EVL: variants seen among roughly 807,000 people sequenced by gnomAD.
EVL encodes ena/VASP-like protein.
Under a neutral mutation model 59.6 loss-of-function variants are expected in EVL, and 21 were observed. The ratio of observed to expected loss-of-function variants is 0.35; its 90% CI spans 0.25 to 0.51. EVL has a LOEUF of 0.51. Among genes scored for constraint, EVL ranks in the 20% least tolerant of loss-of-function variants. The pLI is 0.97. For missense variants in EVL, 462 were observed against 546.6 expected, an observed-to-expected ratio of 0.85 and a Z score of 1.54; for synonymous variants, 198 against 203.5, an observed-to-expected ratio of 0.97 and a Z score of 0.23.
At chr14:100,019,541 T>A in intron 1 of EVL, 1 of 780,394 alleles carries the variant, frequency 1.3e-6, no homozygotes, top group South Asian at 2.0e-5. Flanking sequence ...TACTTCAGAA[T>A]ATTGGGGGGT....
intron 1 of EVL, among the ~76,000 whole-genome samples, chr14:100,050,580 A>C (rs947922869): frequency 6.6e-6 from 1 of 151,518 alleles, no homozygotes; most frequent in South Asian, 2.1e-4. Context: ...CTCGTGATCC[A>C]CCCGCCTCAG....
intron 2 of EVL, among the ~76,000 whole-genome samples, chr14:100,089,592 A>G (rs1266816348): frequency 6.6e-6 from 1 of 152,256 alleles, no homozygotes; most frequent in South Asian, 2.1e-4. Flanking sequence ...AGTAATGACA[A>G]TATAACATAG....
chr14:100,011,139 A>G (rs966668485), intron 1 of EVL, among the ~76,000 whole-genome samples: 1 of 152,244 alleles, frequency 6.6e-6, no homozygotes, highest in Non-Finnish European at 1.5e-5. Flanking sequence ...ATTGGAATAG[A>G]TGATAAGCTA....
chr14:100,006,723 C>G (rs2060984403), intron 1 of EVL, among the ~76,000 whole-genome samples: 1 of 151,208 alleles, frequency 6.6e-6, no homozygotes, highest in South Asian at 2.1e-4. Context: ...CTGTTGGAAG[C>G]GAGCTCAAAC....
intron 2 of EVL, among the ~76,000 whole-genome samples, chr14:100,089,521 G>C (rs1481033331): frequency 3.3e-5 from 5 of 152,194 alleles, no homozygotes; most frequent in Non-Finnish European, 7.3e-5. Flanking sequence ...GTCTAATACT[G>C]GATGAACCAT....
At chr14:100,143,658 A>G (rs1368588898) in intron 13 of EVL, 43 bp from the exon 14 acceptor site, 1 of 1,565,364 alleles carries the variant, frequency 6.4e-7, no homozygotes, top group Non-Finnish European at 8.5e-7. Context: ...ACCGGGCTGC[A>G]CTGGTCATGG....
At chr14:99,976,003 GT>G (rs1425890838) in intron 1 of EVL, among the ~76,000 whole-genome samples, 2 of 151,524 alleles carry the variant, frequency 1.3e-5, no homozygotes, top group East Asian at 3.9e-4. Flanking sequence ...TAATTTCAGG[GT>G]TTTTAAAAAT....
At chr14:100,047,114 CTCTCTTTTTTTTTTTTTTTTTTT>C (rs1405011664) in intron 1 of EVL, among the ~76,000 whole-genome samples, 1 of 95,100 alleles carries the variant, frequency 1.1e-5, no homozygotes, top group Non-Finnish European at 2.0e-5. Context: ...GCAGATCTCT[CTCTCTTTTTTTTTTTTTTTTTTT>C]TTTTTTTTAC....
At chr14:100,055,348 A>C (rs76218170) in intron 1 of EVL, among the ~76,000 whole-genome samples, 139 of 152,234 alleles carry the variant, frequency 9.1e-4, no homozygotes, top group African/African-American at 3.3e-3. Context: ...ACCATGTGTC[A>C]GTACCTCATT....
At chr14:100,047,406 T>C (rs943423474) in intron 1 of EVL, among the ~76,000 whole-genome samples, 1 of 152,078 alleles carries the variant, frequency 6.6e-6, no homozygotes, top group Non-Finnish European at 1.5e-5. Flanking sequence ...GTTCTAGTCA[T>C]TGGGCAGAAT....
intron 1 of EVL, among the ~76,000 whole-genome samples, chr14:100,044,137 A>ATCCT (rs2061511839): frequency 6.6e-6 from 1 of 152,202 alleles, no homozygotes; most frequent in Non-Finnish European, 1.5e-5. Flanking sequence ...GACATCTAAA[A>ATCCT]TTATCGATCA....
At chr14:100,007,175 T>G (rs2060987908) in intron 1 of EVL, among the ~76,000 whole-genome samples, 1 of 152,058 alleles carries the variant, frequency 6.6e-6, no homozygotes, top group Non-Finnish European at 1.5e-5. Flanking sequence ...TTTGTACATT[T>G]TAGGGAGACA....
chr14:100,038,878 A>G (rs2061427826), intron 1 of EVL, among the ~76,000 whole-genome samples: 1 of 151,734 alleles, frequency 6.6e-6, no homozygotes, highest in Non-Finnish European at 1.5e-5. Flanking sequence ...GTTATTGGTT[A>G]CTTTTCCAAC....
chr14:100,010,133 T>A (rs1391290681), intron 1 of EVL, among the ~76,000 whole-genome samples: 1 of 152,188 alleles, frequency 6.6e-6, no homozygotes, highest in Non-Finnish European at 1.5e-5. Flanking sequence ...CTCTATAGAA[T>A]GCAGATTTTT....
intron 2 of EVL, among the ~76,000 whole-genome samples, chr14:100,095,400 G>C (rs1246313126): frequency 6.6e-6 from 1 of 152,188 alleles, no homozygotes; most frequent in African/African-American, 2.4e-5. Context: ...CCTCATGCTG[G>C]TCACTGTACC....
intron 1 of EVL, among the ~76,000 whole-genome samples, chr14:100,079,348 T>A (rs1031212833): frequency 4.6e-5 from 7 of 152,178 alleles, no homozygotes; most frequent in Admixed American, 4.6e-4. Context: ...AATGCACTGT[T>A]TTTCCCACAG....
intron 1 of EVL, among the ~76,000 whole-genome samples, chr14:100,026,792 G>A (rs753158365): frequency 3.3e-5 from 5 of 152,266 alleles, no homozygotes; most frequent in Middle Eastern, 3.4e-3. Flanking sequence ...GCTCTGGGAC[G>A]TATTATTAAA....
chr14:100,138,049 G>A (rs1000880143), intron 11 of EVL: 8 of 586,094 alleles, frequency 1.4e-5, no homozygotes, highest in African/African-American at 1.3e-4. Flanking sequence ...AGTGCAGGGG[G>A]GGGCCAACAT....
intron 1 of EVL, 148 bp from the exon 2 acceptor site, chr14:100,084,539 C>A: frequency 2.6e-6 from 2 of 779,696 alleles, no homozygotes; most frequent in Non-Finnish European, 4.0e-6. Context: ...ATCACCTCAC[C>A]AGGCAGTTCT....
Sources: gnomAD v4.1 joint callset for allele counts (sites outside exome capture counted in the v4.1 genomes callset) on GRCh38, gnomAD v4.1.1 for gene constraint, MANE v1.5 for transcripts, NCBI Gene and HGNC (gene_info 2026-07-23, HGNC 2026-07-21) for gene names.